Variants in PRKCZ observed in about 807,000 individuals in gnomAD.
PRKCZ encodes protein kinase C zeta type.
A neutral mutation model predicts 79.5 loss-of-function variants in PRKCZ; 33 were observed. That is an observed-to-expected ratio of 0.41 (90% confidence interval 0.31 to 0.55). The LOEUF (loss-of-function observed/expected upper bound fraction) is 0.55. PRKCZ is among the 20% of genes least tolerant of loss of function. The probability of loss-of-function intolerance (pLI) is 0.19; values close to 1 mark genes in which losing one functional copy is unlikely to be tolerated. For synonymous variants in PRKCZ, 342 were observed against 320.9 expected (o/e 1.07, Z -0.70); for missense variants, 578 against 813.5 (o/e 0.71, Z 3.52).
At chr1:2,065,061 C>T (rs1254715574) in intron 4 of PRKCZ, among the ~76,000 whole-genome samples, 3 of 152,198 alleles carry the variant, frequency 2.0e-5, no homozygotes, top group Admixed American at 6.5e-5. Context: ...ACAAGTCTTT[C>T]ACCCCCTTGG....
chr1:2,166,846 G>A (rs970636335), intron 10 of PRKCZ, among the ~76,000 whole-genome samples: 22 of 152,208 alleles, frequency 1.4e-4, no homozygotes, highest in South Asian at 2.1e-4. Context: ...CTGGCCTTGC[G>A]CCCCTGCCTG....
At chr1:2,069,756 CAT>C (rs977627261) in intron 4 of PRKCZ, among the ~76,000 whole-genome samples, 5 of 152,154 alleles carry the variant, frequency 3.3e-5, no homozygotes, top group Admixed American at 3.3e-4. Context: ...CCGGGCCCAT[CAT>C]GTGGAGGGAG....
At chr1:2,052,210 G>A (rs139159923) in intron 1 of PRKCZ, among the ~76,000 whole-genome samples, 5 of 152,184 alleles carry the variant, frequency 3.3e-5, no homozygotes, top group African/African-American at 9.6e-5. Flanking sequence ...CCTGCATTCC[G>A]GCGTCCAATT....
Position 2,055,558 on chromosome 1 carries a change from C to T in PRKCZ, c.189C>T (p.Ser63=), listed in dbSNP as rs147145876. The T allele has an allele frequency of 3.5e-5, 57 of 1,612,788 alleles. No homozygotes were observed. The African/African-American group carries it at 6.0e-4, about 17-fold the overall frequency. Residue 63 remains serine, a synonymous_variant, in exon 2 of 18, where the codon AGC becomes AGT. Transcript: ENST00000378567. ...CGCTCACCCTCAAGTGGGTGGACAGCGAAGGTAGCCCTTGTCCCATGTTGG... is the reference window on the plus strand; with the variant it reads ...CGCTCACCCTCAAGTGGGTGGACAGTGAAGGTAGCCCTTGTCCCATGTTGG... ...QHPLTLKWVD[S]EGDPCTVSSQ... is the part of the protein sequence containing the mutation.
intron 11 of PRKCZ, chr1:2,171,766 A>G (rs1684483334): frequency 4.9e-6 from 2 of 405,272 alleles, no homozygotes; most frequent in Non-Finnish European, 8.9e-6. Context: ...TCTTTCCCGC[A>G]TGGAAGCTGT....
At chr1:2,115,034 G>A (rs1204870540) in intron 4 of PRKCZ, among the ~76,000 whole-genome samples, 2 of 152,250 alleles carry the variant, frequency 1.3e-5, no homozygotes, top group African/African-American at 4.8e-5. Flanking sequence ...CTCTGGACGC[G>A]GGGCCACCCC....
rs540124899 is a variant in PRKCZ at position 2,146,622 on chromosome 1, C to T, written c.634+514C>T. Among the ~76,000 whole-genome samples the T allele has an allele frequency of 1.5e-3, 227 of 152,192 alleles. 2 individuals are homozygous for T. Among genetic ancestry groups the T allele is most frequent in the Non-Finnish European group, 2.1e-3 (141 of 68,036 alleles). On this transcript the variant is annotated intron_variant, in intron 7 of 17. Transcript: ENST00000378567. ...CTAAGAAGCATTCAGAGAGAGATCT[C>T]AAACACCAGTTGGACTTACAGCCCA... is the stretch of plus-strand genomic sequence containing the variant.
chr1:2,063,990 C>T (rs1349455120), intron 4 of PRKCZ, among the ~76,000 whole-genome samples: 1 of 152,078 alleles, frequency 6.6e-6, no homozygotes, highest in Non-Finnish European at 1.5e-5. Context: ...GGATTACAGG[C>T]ACCCGCCACC....
At chr1:2,154,058 G>A (rs1680438121) in intron 9 of PRKCZ, among the ~76,000 whole-genome samples, 2 of 152,204 alleles carry the variant, frequency 1.3e-5, no homozygotes, top group African/African-American at 4.8e-5. Context: ...AGTGATATGT[G>A]GGTCATGATG....
intron 4 of PRKCZ, among the ~76,000 whole-genome samples, chr1:2,108,164 G>A (rs981856186): frequency 2.0e-5 from 3 of 152,250 alleles, no homozygotes; most frequent in East Asian, 1.9e-4. Context: ...TGCCGCACTC[G>A]AGTACCCGTG....
intron 1 of PRKCZ, among the ~76,000 whole-genome samples, chr1:2,051,435 G>T (rs1441385958): frequency 6.6e-6 from 1 of 152,232 alleles, no homozygotes; most frequent in African/African-American, 2.4e-5. Context: ...AAGTGTGGGC[G>T]GTGGGGAGGG....
rs1572054526 is a variant in PRKCZ, at chr1:2,181,942, CCCGGCCCCTCCCT to C, written c.1576-2635_1576-2623del. ...GAGCCGTTCTGCCTAAGGGAACAGC[CCCGGCCCCTCCCT>C]CCGGCTCCTCCCCAGCACCGTCTCC... is the stretch of plus-strand genomic sequence containing the variant. On this transcript the variant is annotated intron_variant, in intron 16 of 17. Coordinates refer to ENST00000378567, the MANE Select transcript of PRKCZ (RefSeq NM_002744.6). 8 of 441,548 alleles carry C rather than the reference CCCGGCCCCTCCCT, an allele frequency of 1.8e-5. 1 individual carries two copies. The East Asian group carries it at 5.7e-4, about 32-fold the overall frequency. 27.4% of individuals were successfully genotyped at this position (441,548 alleles called of 1,614,324 possible).
At chr1:2,114,041 G>A (rs759329463) in intron 4 of PRKCZ, among the ~76,000 whole-genome samples, 6 of 152,194 alleles carry the variant, frequency 3.9e-5, no homozygotes, top group Non-Finnish European at 5.9e-5. Context: ...TGTGTGGTGC[G>A]TGTGGCGCGT....
At chr1:2,139,417 G>A (rs200032025) in intron 5 of PRKCZ, among the ~76,000 whole-genome samples, 6 of 152,116 alleles carry the variant, frequency 3.9e-5, no homozygotes, top group South Asian at 4.2e-4. Context: ...GTGAAACCCC[G>A]TGTCTACTAA....
intron 4 of PRKCZ, among the ~76,000 whole-genome samples, chr1:2,115,430 T>C (rs1045951073): frequency 6.6e-6 from 1 of 152,246 alleles, no homozygotes; most frequent in Non-Finnish European, 1.5e-5. Context: ...CAGGTCGCAC[T>C]CTGCACTGTG....
rs72913410 is a variant in PRKCZ, at chr1:2,052,041, G to C, written c.71+1340G>C. Among the ~76,000 whole-genome samples, 849 of 152,286 alleles carry C rather than the reference G, an allele frequency of 5.6e-3. 10 individuals are homozygous for C. Among genetic ancestry groups the C allele is most frequent in the African/African-American group, 0.019 (798 of 41,558 alleles). On this transcript the variant is annotated intron_variant, in intron 1 of 17. Coordinates refer to ENST00000378567, the MANE Select transcript of PRKCZ (RefSeq NM_002744.6). ...AGGTCAGCAGGTTAAAACTTGGTAT[G>C]GTTGACGTTCTGGCTATTGGACTTG...
At position 2,129,541 on chromosome 1, in the gene PRKCZ, A is replaced by G. The variant is rs565458499; in HGVS notation, c.335-5721A>G. Reference sequence around the variant, plus strand: ...GGACGCAGACAGTGGGTGAAAACCAAGGAAAGGTCTGAATATCGCTTAAGG... The same window carrying G: ...GGACGCAGACAGTGGGTGAAAACCAGGGAAAGGTCTGAATATCGCTTAAGG... On this transcript the variant is annotated intron_variant, in intron 4 of 17. Coordinates refer to ENST00000378567, the MANE Select transcript of PRKCZ (RefSeq NM_002744.6). 4.6e-5 allele frequency among the ~76,000 whole-genome samples: 7 copies of G among 152,328 alleles called. No homozygotes were observed. The South Asian group carries it at 1.4e-3, about 32-fold the overall frequency.
rs1165247584 is a variant in PRKCZ at position 2,082,411 on chromosome 1, C to T, written c.334+22820C>T. 8.8e-6 allele frequency: 4 copies of T among 456,190 alleles called. No homozygotes were observed. The highest frequency in any genetic ancestry group is 6.9e-5 in the East Asian group (1 of 14,410). 28.3% of individuals were successfully genotyped at this position (456,190 alleles called of 1,614,324 possible). On this transcript the variant is annotated intron_variant, in intron 4 of 17. Coordinates refer to ENST00000378567, the MANE Select transcript of PRKCZ (RefSeq NM_002744.6). This position sits in a 1 kb window ranked among gnomAD's most constrained non-coding sequence, Gnocchi z 4.4. ...TGGTAGTTTGTGTTTATTTATTTAT[C>T]TTGGCCAGCAGAGAGAATTGAGTTT...
chr1:2,104,789 C>A, intron 4 of PRKCZ: 1 of 985,926 alleles, frequency 1.0e-6, no homozygotes, highest in Non-Finnish European at 1.2e-6. Context: ...CCCCCGGGGC[C>A]GAGCACGAAA....
Sources: allele counts gnomAD v4.1 joint callset (sites outside exome capture counted in the v4.1 genomes callset), GRCh38; gene constraint gnomAD v4.1.1; non-coding constraint Gnocchi (gnomAD v3.1); transcripts MANE v1.5; gene names NCBI Gene and HGNC (gene_info 2026-07-23, HGNC 2026-07-21).